SUGCT: variants seen among roughly 807,000 people sequenced by gnomAD.
SUGCT encodes succinyl-CoA:glutarate-CoA transferase, also known as succinyl-CoA:glutarate CoA-transferase.
Under a neutral mutation model 55.0 loss-of-function variants are expected in SUGCT, and 41 were observed. The observed-to-expected ratio is 0.74, with a 90% CI of 0.58 to 0.97. The LOEUF (loss-of-function observed/expected upper bound fraction) is 0.97. Among genes scored for constraint, SUGCT ranks in the 50% least tolerant of loss-of-function variants. The pLI is 0.00. For missense variants in SUGCT, 568 were observed against 547.8 expected, an observed-to-expected ratio of 1.04 and a Z score of -0.37; for synonymous variants, 187 against 200.4, an observed-to-expected ratio of 0.93 and a Z score of 0.56.
chr7:40,328,350 T>C (rs6462972), intron 9 of SUGCT, among the ~76,000 whole-genome samples: 85,738 of 152,026 alleles, frequency 0.56, 24,267 homozygotes, highest in South Asian at 0.65. Context: ...AACAGTTCCA[T>C]CTATTTAATG....
At chr7:40,543,782 A>G (rs1794831642) in intron 12 of SUGCT, among the ~76,000 whole-genome samples, 1 of 152,222 alleles carries the variant, frequency 6.6e-6, no homozygotes, top group Non-Finnish European at 1.5e-5. Flanking sequence ...TTCAAATGGA[A>G]CTAAAATTCC....
chr7:40,435,355 T>A (rs977429858), intron 9 of SUGCT, among the ~76,000 whole-genome samples: 25 of 152,164 alleles, frequency 1.6e-4, no homozygotes, highest in African/African-American at 6.0e-4. Context: ...GTTTGGGGAA[T>A]CTATTGTTAG....
At chr7:40,920,483 T>C in the SUGCT span, among the ~76,000 whole-genome samples, 1 of 152,146 alleles carries the variant, frequency 6.6e-6, no homozygotes, top group Non-Finnish European at 1.5e-5. Flanking sequence ...TCTCCAGGAA[T>C]GACTGAAAAA....
chr7:40,435,013 C>T (rs1788095840), intron 9 of SUGCT, among the ~76,000 whole-genome samples: 1 of 152,118 alleles, frequency 6.6e-6, no homozygotes, highest in Non-Finnish European at 1.5e-5. Flanking sequence ...CCATAGTTCG[C>T]CAAGCCGAAA....
intron 7 of SUGCT, among the ~76,000 whole-genome samples, chr7:40,250,729 A>G (rs1790312902): frequency 6.6e-6 from 1 of 151,798 alleles, no homozygotes; most frequent in Non-Finnish European, 1.5e-5. Context: ...CAGTTTGGCT[A>G]CTGTTTATTC....
intron 12 of SUGCT, among the ~76,000 whole-genome samples, chr7:40,546,056 G>A (rs960056201): frequency 6.6e-6 from 1 of 152,150 alleles, no homozygotes; most frequent in African/African-American, 2.4e-5. Context: ...GCACTCAAAT[G>A]TCTTTCACCT....
intron 12 of SUGCT, among the ~76,000 whole-genome samples, chr7:40,554,743 C>T (rs185548786): frequency 4.7e-4 from 72 of 152,294 alleles, no homozygotes; most frequent in African/African-American, 1.6e-3. Flanking sequence ...TATTTTCCTC[C>T]TATCAACAGT....
chr7:40,790,474 T>G (rs193017188), intron 13 of SUGCT, among the ~76,000 whole-genome samples: 8 of 152,286 alleles, frequency 5.3e-5, no homozygotes. Context: ...TAGCTTTGAG[T>G]GTATTCTAAG....
the SUGCT span, among the ~76,000 whole-genome samples, chr7:40,939,733 T>C: frequency 7.2e-5 from 11 of 152,166 alleles, no homozygotes; most frequent in Non-Finnish European, 1.6e-4. Flanking sequence ...TTTGATGGGA[T>C]TGCATTTTTC....
chr7:40,915,076 A>T, the SUGCT span, among the ~76,000 whole-genome samples: 1 of 152,164 alleles, frequency 6.6e-6, no homozygotes, highest in Non-Finnish European at 1.5e-5. Flanking sequence ...ATGTGGGGCT[A>T]ACTTCTTTTC....
chr7:40,957,372 A>G, the SUGCT span, among the ~76,000 whole-genome samples: 1 of 151,216 alleles, frequency 6.6e-6, no homozygotes, highest in Non-Finnish European at 1.5e-5. Context: ...ACTATTATGT[A>G]ATGGCCTTCT....
chr7:40,254,066 A>C (rs1790630936), intron 7 of SUGCT, among the ~76,000 whole-genome samples: 1 of 152,206 alleles, frequency 6.6e-6, no homozygotes, highest in South Asian at 2.1e-4. Context: ...TTATTTCATA[A>C]AAGTTATATC....
At chr7:40,554,116 T>A (rs1795441476) in intron 12 of SUGCT, among the ~76,000 whole-genome samples, 1 of 152,248 alleles carries the variant, frequency 6.6e-6, no homozygotes, top group Non-Finnish European at 1.5e-5. Flanking sequence ...GCAATGCATT[T>A]AATTCTTTGT....
the SUGCT span, among the ~76,000 whole-genome samples, chr7:41,029,061 A>G: frequency 1.3e-5 from 2 of 152,190 alleles, no homozygotes; most frequent in Non-Finnish European, 2.9e-5. Flanking sequence ...GAATGCTCAA[A>G]GACTGGCTTA....
the SUGCT span, chr7:40,979,990 T>C: frequency 6.6e-6 from 1 of 152,212 alleles, no homozygotes; most frequent in Non-Finnish European, 1.5e-5. Context: ...CTAGGTGACA[T>C]AAACAACAAC....
intron 8 of SUGCT, among the ~76,000 whole-genome samples, chr7:40,288,205 T>A (rs191710614): frequency 6.6e-6 from 1 of 152,224 alleles, no homozygotes. Flanking sequence ...TGAAAAGTAT[T>A]CCCTCCTCTC....
chr7:40,396,801 C>T (rs1294904751), intron 9 of SUGCT, among the ~76,000 whole-genome samples: 2 of 152,078 alleles, frequency 1.3e-5, no homozygotes, highest in Non-Finnish European at 2.9e-5. Context: ...TTTATTACCT[C>T]ATTCTCCCTC....
the SUGCT span, among the ~76,000 whole-genome samples, chr7:40,982,875 C>T: frequency 6.6e-6 from 1 of 152,250 alleles, no homozygotes; most frequent in South Asian, 2.1e-4. Flanking sequence ...TCTCAAACTC[C>T]AAGGCTCAAG....
At chr7:40,654,658 C>T (rs1800932719) in intron 12 of SUGCT, among the ~76,000 whole-genome samples, 1 of 152,212 alleles carries the variant, frequency 6.6e-6, no homozygotes, top group African/African-American at 2.4e-5. Context: ...AAGACCCAAA[C>T]CAAGTGCCTG....
Sources: allele counts gnomAD v4.1 joint callset (sites outside exome capture counted in the v4.1 genomes callset), GRCh38; gene constraint gnomAD v4.1.1; transcripts MANE v1.5; gene names NCBI Gene and HGNC (gene_info 2026-07-23, HGNC 2026-07-21).